Variants in EPB41 observed in about 807,000 individuals in gnomAD.
The protein encoded by EPB41 is erythrocyte membrane protein band 4.1.
EPB41 carries 65 observed loss-of-function variants against 108.0 expected under a neutral mutation model. The observed-to-expected ratio is 0.60, with a 90% confidence interval of 0.49 to 0.74. The LOEUF (loss-of-function observed/expected upper bound fraction) is 0.74, where lower values mean the gene tolerates loss of function less well. Among genes scored for constraint, EPB41 ranks in the 30% least tolerant of loss-of-function variants. The probability of loss-of-function intolerance (pLI) is 0.00; values close to 1 mark genes in which losing one functional copy is unlikely to be tolerated. For missense variants in EPB41, 875 were observed against 1,037.0 expected, an observed-to-expected ratio of 0.84 and a Z score of 2.15; for synonymous variants, 336 against 358.9, an observed-to-expected ratio of 0.94 and a Z score of 0.72.
chr1:28,935,605 G>T (rs1422177258), intron 1 of EPB41, among the ~76,000 whole-genome samples: 1 of 151,286 alleles, frequency 6.6e-6, no homozygotes, highest in Admixed American at 6.6e-5. Context: ...AGCTTCCATC[G>T]AGTAGGTAAT....
chr1:29,098,001 A>T, intron 17 of EPB41, 66 bp downstream of exon 17: 1 of 1,607,948 alleles, frequency 6.2e-7, no homozygotes. Context: ...TTCTTCACAG[A>T]GTTTCTAGTC....
intron 15 of EPB41, among the ~76,000 whole-genome samples, chr1:29,064,304 C>T (rs1365788269): frequency 6.6e-6 from 1 of 152,114 alleles, no homozygotes; most frequent in Non-Finnish European, 1.5e-5. Flanking sequence ...GAAAAAAAGT[C>T]ATTTTATTAT....
chr1:29,062,289 A>T (rs922437283), intron 15 of EPB41, among the ~76,000 whole-genome samples: 2 of 152,214 alleles, frequency 1.3e-5, no homozygotes, highest in Admixed American at 1.3e-4. Flanking sequence ...GTTCGTCTTC[A>T]GTGCTTCCTC....
chr1:29,091,717 C>A (rs758542369), intron 16 of EPB41, among the ~76,000 whole-genome samples: 1 of 152,244 alleles, frequency 6.6e-6, no homozygotes, highest in East Asian at 1.9e-4. Flanking sequence ...ATTGCTGTAT[C>A]TCAGATACAT....
At chr1:28,974,053 A>G (rs2095549236) in intron 1 of EPB41, among the ~76,000 whole-genome samples, 1 of 152,224 alleles carries the variant, frequency 6.6e-6, no homozygotes, top group Non-Finnish European at 1.5e-5. Flanking sequence ...TAAAGGTCCC[A>G]ATATCATTCA....
intron 1 of EPB41, among the ~76,000 whole-genome samples, chr1:28,917,861 C>G (rs371108321): frequency 4.1e-4 from 62 of 152,020 alleles, no homozygotes; most frequent in African/African-American, 1.4e-3. Flanking sequence ...TCCAAAAGTG[C>G]TGGGATTACA....
chr1:29,035,862 C>A lies in EPB41; in HGVS notation c.1402C>A (p.Pro468Thr), dbSNP rs1639247566. 1 of 1,614,086 alleles carries A rather than the reference C, an allele frequency of 6.2e-7. No individual in the cohort carries two copies. Among genetic ancestry groups the A allele is most frequent in the African/African-American group, 1.3e-5 (1 of 75,038 alleles). ...TGAAAGTACCATCGGATTCAAACTT[C>A]CCAGTTACCGAGCAGCTAAGAAATT... is the stretch of plus-strand genomic sequence containing the variant. ...QYESTIGFKL[P>T]SYRAAKKLWK... The change falls in exon 10 of 21, where the codon CCC becomes ACC. Residue 468 changes from proline (P) to threonine (T), a missense_variant. Around this residue, in one of 3 missense-constraint regions of EPB41, gnomAD observed 519 missense variants for 627.3 expected, o/e 0.83. Transcript: ENST00000343067.
At position 28,928,401 on chromosome 1, in the gene EPB41, A is replaced by G. The variant is rs1367661526; in HGVS notation, c.-8+13633A>G. On this transcript the variant is annotated intron_variant, in intron 1 of 20. Transcript: ENST00000343067. The stretch of plus-strand genomic sequence containing the variant: ...CTTTCATGTGATCAACACCAGGTCT[A>G]TATAACCCTTAGGGGAGACCACAGT... 5.3e-5 allele frequency among the ~76,000 whole-genome samples: 8 copies of G among 152,334 alleles called. No individual in the cohort carries two copies. The South Asian group carries it at 6.2e-4, about 12-fold the overall frequency.
At chr1:29,069,214 G>T in intron 16 of EPB41, 1 of 1,231,586 alleles carries the variant, frequency 8.1e-7, no homozygotes, top group South Asian at 4.1e-5. Flanking sequence ...GGTGTGCAAA[G>T]AACCAGTGTT....
chr1:29,089,459 C>T (rs901664529), intron 16 of EPB41, among the ~76,000 whole-genome samples: 4 of 152,196 alleles, frequency 2.6e-5, no homozygotes, highest in Non-Finnish European at 4.4e-5. Context: ...AACAAGTTCT[C>T]ATCCCCCAAG....
At chr1:28,933,820 C>T (rs757350224) in intron 1 of EPB41, among the ~76,000 whole-genome samples, 6 of 152,098 alleles carry the variant, frequency 3.9e-5, no homozygotes, top group African/African-American at 1.2e-4. Flanking sequence ...ACCACACACA[C>T]GGTTTTAGAT....
At chr1:29,061,470 T>C (rs534713487) in intron 15 of EPB41, among the ~76,000 whole-genome samples, 11,264 of 151,570 alleles carry the variant, frequency 0.074, 421 homozygotes, top group African/African-American at 0.1. Flanking sequence ...GGGGTTTCAC[T>C]GTGTTAGCCA....
At chr1:29,090,268 G>A (rs1364437416) in intron 16 of EPB41, among the ~76,000 whole-genome samples, 4 of 152,122 alleles carry the variant, frequency 2.6e-5, no homozygotes, top group Non-Finnish European at 5.9e-5. Context: ...GGTAGTAAAT[G>A]TGGGAATTGA....
At chr1:29,112,325 G>A (rs771309820) in intron 18 of EPB41, 43 bp from the exon 19 acceptor site, 6 of 1,479,562 alleles carry the variant, frequency 4.1e-6, no homozygotes, top group East Asian at 2.3e-5. Context: ...TTTAATTCTT[G>A]TTATATCGCT....
chr1:28,892,059 C>G (rs1557603551), intron 1 of EPB41, among the ~76,000 whole-genome samples: 1 of 142,936 alleles, frequency 7.0e-6, no homozygotes, highest in Non-Finnish European at 1.5e-5. Context: ...TGCCACTGCA[C>G]TCCAGCCTGG....
intron 8 of EPB41, chr1:29,031,828 GCTCACA>G (rs2096792932): frequency 6.6e-6 from 1 of 152,204 alleles, no homozygotes; most frequent in South Asian, 2.1e-4. Context: ...AGGCGTGGTG[GCTCACA>G]CCTGTAATCC....
chr1:28,985,284 A>G (rs1338656766), intron 1 of EPB41, among the ~76,000 whole-genome samples: 1 of 151,864 alleles, frequency 6.6e-6, no homozygotes, highest in African/African-American at 2.4e-5. Context: ...ATTAATACCT[A>G]TTATGTGTCA....
At chr1:28,895,408 AG>A (rs1402307855) in intron 1 of EPB41, among the ~76,000 whole-genome samples, 1 of 152,150 alleles carries the variant, frequency 6.6e-6, no homozygotes, top group East Asian at 1.9e-4. Context: ...GGGTAAGTCA[AG>A]TGAGTCACCC....
At chr1:29,000,975 T>G (rs1289503312) in intron 4 of EPB41, among the ~76,000 whole-genome samples, 1 of 152,110 alleles carries the variant, frequency 6.6e-6, no homozygotes, top group African/African-American at 2.4e-5. Flanking sequence ...AAGATTCATC[T>G]TAGGATTGTC....
Sources: allele counts gnomAD v4.1 joint callset (sites outside exome capture counted in the v4.1 genomes callset), GRCh38; gene constraint gnomAD v4.1.1; regional missense constraint gnomAD v4.1.1; transcripts MANE v1.5; gene names NCBI Gene and HGNC (gene_info 2026-07-23, HGNC 2026-07-21).